The following GPR157 variants were observed in gnomAD, a reference collection of about 807,000 sequenced individuals.
The protein encoded by GPR157 is G-protein coupled receptor 157.
GPR157 carries 16 observed loss-of-function variants against 23.5 expected under a neutral mutation model. The observed-to-expected ratio is 0.68, with a 90% CI of 0.46 to 1.04. GPR157 has a LOEUF of 1.04. Among genes scored for constraint, GPR157 ranks in the 50% least tolerant of loss-of-function variants. The probability of loss-of-function intolerance (pLI) is 0.00; values close to 1 mark genes in which losing one functional copy is unlikely to be tolerated. For missense variants in GPR157, 440 were observed against 460.7 expected (o/e 0.96, Z 0.41); for synonymous variants, 200 against 221.5 (o/e 0.90, Z 0.86).
Position 9,105,655 on chromosome 1 carries a change from G to T in GPR157, c.623C>A (p.Pro208His). ...CAGGCGGTGCTCCTGGGAGAGGATG[G>T]GCCGGTACTCAGAGAGTGCCGTGTG... The part of the protein sequence containing the change: ...RAHTALSEYR[P>H]ILSQEHRLLR... The change falls in exon 3 of 4, where the codon CCC becomes CAC. Residue 208 changes from proline to histidine, a missense_variant. By Grantham distance (77) the Pro-to-His change is moderately conservative (BLOSUM62 -2). Transcript: ENST00000377411. The surrounding 1 kb of genome is among the most constrained non-coding windows in gnomAD (Gnocchi z 4.8). The T allele has an allele frequency of 1.9e-6, 3 of 1,612,152 alleles. No homozygotes were observed. The highest frequency in any genetic ancestry group is 2.5e-6 in the Non-Finnish European group (3 of 1,179,244).
At chr1:9,111,513 G>C in intron 1 of GPR157, 24 bp from the exon 2 acceptor site, 5 of 1,598,032 alleles carry the variant, frequency 3.1e-6, no homozygotes, top group South Asian at 1.1e-5. Flanking sequence ...AGAGAAAGAG[G>C]CATCGGGGTC....
chr1:9,104,601 A>G lies in GPR157; in HGVS notation c.826T>C (p.Cys276Arg). ...CGGGTGCAGAGGACGAACATGATGC[A>G]GTTGGCACCTCCCTGAAACGTGTTC... is the stretch of plus-strand genomic sequence containing the variant. ...IGNTFQGGAN[C>R]IMFVLCTRAV... Residue 276 changes from cysteine to arginine, a missense_variant, in exon 4 of 4, where the codon TGC becomes CGC. Cys to Arg is a radical substitution (Grantham distance 180). Transcript: ENST00000377411. 6.2e-7 allele frequency: 1 copy of G among 1,612,230 alleles called. No homozygotes were observed. The highest frequency in any genetic ancestry group is 8.5e-7 in the Non-Finnish European group (1 of 1,179,040).
Position 9,101,281 on chromosome 1 carries a change from C to A in GPR157, c.*3138G>T, listed in dbSNP as rs1476930972. 6.6e-6 allele frequency: 1 copy of A among 151,690 alleles called. No individual in the cohort carries two copies. The allele number at this position is 151,690 out of a possible 1,614,324, so 9.4% of individuals were successfully genotyped here. On this transcript the variant is annotated 3_prime_UTR_variant, in exon 4 of 4. Coordinates refer to ENST00000377411, the MANE Select transcript of GPR157 (RefSeq NM_024980.5). ...ATGTTGGCCAGGCTGGTCTCAAACT[C>A]CTGACCTCAGGTGATCTGCCCACCT...
Position 9,105,402 on chromosome 1 carries a change from G to GTGCA in GPR157, c.792+80_792+83dup. On this transcript the variant is annotated intron_variant, in intron 3 of 3. Coordinates refer to ENST00000377411, the MANE Select transcript of GPR157 (RefSeq NM_024980.5). This position sits in a 1 kb window ranked among gnomAD's most constrained non-coding sequence, Gnocchi z 4.8. ...CAGCTGTGCCTTGGCCGACACTGGG[G>GTGCA]TGCAGCCACTGTGCTGCGGGAAGGA... The GTGCA allele has an allele frequency of 7.9e-7, 1 of 1,266,192 alleles. No individual in the cohort carries two copies. Among genetic ancestry groups the GTGCA allele is most frequent in the South Asian group, 1.5e-5 (1 of 67,144 alleles). 78.4% of individuals were successfully genotyped at this position (1,266,192 alleles called of 1,614,324 possible). A position where few individuals can be genotyped will look rare whatever the true frequency, so the allele number is the denominator to read the frequency against.
chr1:9,115,923 A>C (rs1472656483), intron 1 of GPR157, among the ~76,000 whole-genome samples: 1 of 148,862 alleles, frequency 6.7e-6, no homozygotes, highest in Non-Finnish European at 1.5e-5. Context: ...GGCAGAGTTG[A>C]GCAGTTACAA....
In GPR157 at chr1:9,110,452, G is replaced by A. The variant is rs902020450; in HGVS notation, c.597+824C>T. Among the ~76,000 whole-genome samples the A allele has an allele frequency of 3.5e-4, 54 of 152,358 alleles. 1 individual carries two copies. The highest frequency in any genetic ancestry group is 1.3e-3 in the African/African-American group (53 of 41,584). On this transcript the variant is annotated intron_variant, in intron 2 of 3. Coordinates refer to ENST00000377411, the MANE Select transcript of GPR157 (RefSeq NM_024980.5). Reference sequence around the variant, plus strand: ...GTAGGAGAACCACTTGAACCTGGGAGGCAGAGGTTGCAGTGAGCCGAGATT... The same window carrying A: ...GTAGGAGAACCACTTGAACCTGGGAAGCAGAGGTTGCAGTGAGCCGAGATT...
intron 1 of GPR157, among the ~76,000 whole-genome samples, chr1:9,123,668 T>TTTAATATTAAATATATATTTAATATATA (rs1638894731): frequency 8.6e-6 from 1 of 116,032 alleles, no homozygotes; most frequent in South Asian, 2.3e-4. Context: ...TAAATATATA[T>TTTAATATTAAATATATATTTAATATATA]TTAATATTAA....
At chr1:9,121,570 G>A (rs1238850611) in intron 1 of GPR157, among the ~76,000 whole-genome samples, 1 of 151,104 alleles carries the variant, frequency 6.6e-6, no homozygotes, top group East Asian at 2.0e-4. Flanking sequence ...AACCCAGGAA[G>A]TGGAAGCTGC....
chr1:9,128,434 G>C lies in GPR157; in HGVS notation c.383+211C>G. 1.5e-6 allele frequency: 1 copy of C among 689,106 alleles called. No individual in the cohort carries two copies. Among genetic ancestry groups the C allele is most frequent in the Non-Finnish European group, 2.6e-6 (1 of 378,864 alleles). 42.7% of individuals were successfully genotyped at this position (689,106 alleles called of 1,614,324 possible). On this transcript the variant is annotated intron_variant, in intron 1 of 3. Coordinates refer to ENST00000377411, the MANE Select transcript of GPR157 (RefSeq NM_024980.5). The surrounding 1 kb of genome is among the most constrained non-coding windows in gnomAD (Gnocchi z 6.3). ...ACTACCCCAAGGGGCTGTGCCCTGG[G>C]GCAGGCACAGCGGGGCTCCTTCGGG...
chr1:9,105,307 C>T lies in GPR157; in HGVS notation c.792+179G>A, dbSNP rs542861927. Among the ~76,000 whole-genome samples, 39 of 152,276 alleles carry T rather than the reference C, an allele frequency of 2.6e-4. No individual in the cohort carries two copies. Among genetic ancestry groups the T allele is most frequent in the South Asian group, 1.2e-3 (6 of 4,822 alleles). ...CCCGGACCACACTGATCCCACTCTG[C>T]CTTCTCTCTTCAAGGTCCTGTCTCA... On this transcript the variant is annotated intron_variant, in intron 3 of 3. Transcript: ENST00000377411. This position sits in a 1 kb window ranked among gnomAD's most constrained non-coding sequence, Gnocchi z 4.8.
intron 1 of GPR157, among the ~76,000 whole-genome samples, chr1:9,124,897 C>T (rs1301066846): frequency 6.6e-6 from 1 of 152,096 alleles, no homozygotes; most frequent in East Asian, 1.9e-4. Flanking sequence ...ACCATGTGAC[C>T]GTCTCACCTC....
At chr1:9,123,454 AAT>A (rs1373956301) in intron 1 of GPR157, among the ~76,000 whole-genome samples, 1 of 118,118 alleles carries the variant, frequency 8.5e-6, no homozygotes, top group African/African-American at 3.5e-5. Flanking sequence ...TACATATTAA[AAT>A]ATATATTTAA....
In GPR157 at chr1:9,111,301, A is replaced by G. The variant is rs1638488561; in HGVS notation, c.572T>C (p.Leu191Pro). Residue 191 changes from leucine (L) to proline (P), a missense_variant, in exon 2 of 4, where the codon CTG (leucine) becomes CCG (proline). By Grantham distance (98) the Leu-to-Pro change is moderately conservative. Transcript: ENST00000377411. ...AYVLLPLLYL[L>P]VRKHINRAHT... The stretch of plus-strand genomic sequence containing the variant: ...CGCTCTGTTGATGTGCTTCCGGACC[A>G]GGAGGTACAGCAGAGGCAGCAGCAC... 4 of 1,614,090 alleles carry G rather than the reference A, an allele frequency of 2.5e-6. No individual in the cohort carries two copies. In the Admixed American group the frequency reaches 6.7e-5, roughly 27 times the overall value.
At chr1:9,121,400 G>A (rs764463224) in intron 1 of GPR157, among the ~76,000 whole-genome samples, 2 of 151,336 alleles carry the variant, frequency 1.3e-5, no homozygotes, top group African/African-American at 2.4e-5. Flanking sequence ...AACTTAGGGA[G>A]GCCGAGGCAG....
intron 1 of GPR157, among the ~76,000 whole-genome samples, chr1:9,112,751 C>A (rs1638540536): frequency 6.6e-6 from 1 of 152,206 alleles, no homozygotes; most frequent in Non-Finnish European, 1.5e-5. Flanking sequence ...CCATGTCCAG[C>A]CCAGGCTCAG....
chr1:9,123,167 A>C (rs1435526300), intron 1 of GPR157, among the ~76,000 whole-genome samples: 3 of 130,012 alleles, frequency 2.3e-5, no homozygotes, highest in Non-Finnish European at 4.8e-5. Flanking sequence ...GGGTGGGAAA[A>C]AAAAAAAATA....
Position 9,128,543 on chromosome 1 carries a change from G to T in GPR157, c.383+102C>A. On this transcript the variant is annotated intron_variant, in intron 1 of 3. Coordinates refer to ENST00000377411, the MANE Select transcript of GPR157 (RefSeq NM_024980.5). This position sits in a 1 kb window ranked among gnomAD's most constrained non-coding sequence, Gnocchi z 6.3. ...GCGCCAGCAGGCACTGCTTGCTGTG[G>T]GTAGGGGGTGTCCAACCTAGACGCG... The T allele has an allele frequency of 8.9e-7, 1 of 1,119,986 alleles. No homozygotes were observed. Among genetic ancestry groups the T allele is most frequent in the Non-Finnish European group, 1.3e-6 (1 of 761,728 alleles). 69.4% of individuals were successfully genotyped at this position (1,119,986 alleles called of 1,614,324 possible).
intron 1 of GPR157, among the ~76,000 whole-genome samples, chr1:9,115,208 GTGCATGTGTGCATGTA>G (rs1638610330): frequency 6.6e-6 from 1 of 152,088 alleles, no homozygotes; most frequent in Non-Finnish European, 1.5e-5. Context: ...ACATAGACGT[GTGCATGTGTGCATGTA>G]TGCATGTTTA....
Position 9,110,681 on chromosome 1 carries a change from A to G in GPR157, c.597+595T>C, listed in dbSNP as rs148570312. On this transcript the variant is annotated intron_variant, in intron 2 of 3. Coordinates refer to ENST00000377411, the MANE Select transcript of GPR157 (RefSeq NM_024980.5). ...AGACTGGGAGGCAGGAACAAGGAGGAACTGGGCCAAGGTGTCAGAGGAAAG... is the reference window on the plus strand; with the variant it reads ...AGACTGGGAGGCAGGAACAAGGAGGGACTGGGCCAAGGTGTCAGAGGAAAG... 3.4e-3 allele frequency among the ~76,000 whole-genome samples: 512 copies of G among 152,282 alleles called. 16 individuals carry two copies. The highest frequency in any genetic ancestry group is 0.03 in the Admixed American group (464 of 15,300).
Sources: gnomAD v4.1 joint callset for allele counts (sites outside exome capture counted in the v4.1 genomes callset) on GRCh38, gnomAD v4.1.1 for gene constraint, Gnocchi (gnomAD v3.1) non-coding constraint, MANE v1.5 for transcripts, NCBI Gene and HGNC (gene_info 2026-07-23, HGNC 2026-07-21) for gene names.